CCDC178: variants seen among roughly 807,000 people sequenced by gnomAD.
CCDC178 encodes coiled-coil domain-containing protein 178.
In CCDC178, 126 loss-of-function variants were observed where a neutral mutation model predicts 117.4. The observed-to-expected ratio is 1.07, with a 90% CI of 0.93 to 1.24. The LOEUF (loss-of-function observed/expected upper bound fraction) is 1.24, where lower values mean the gene tolerates loss of function less well. Ranked by LOEUF, CCDC178 falls within the 50% of genes most tolerant of loss-of-function variation. CCDC178 has a pLI of 0.00. For missense variants in CCDC178, 1,030 were observed against 986.9 expected, an observed-to-expected ratio of 1.04 and a Z score of -0.59; for synonymous variants, 283 against 313.4, an observed-to-expected ratio of 0.90 and a Z score of 1.02.
chr18:33,068,006 A>C (rs1402484070), intron 21 of CCDC178, among the ~76,000 whole-genome samples: 2 of 152,136 alleles, frequency 1.3e-5, no homozygotes, highest in Non-Finnish European at 2.9e-5. Context: ...ATGATACCAC[A>C]GAAATACAAA....
chr18:33,192,011 A>G (rs2058864774), intron 20 of CCDC178, among the ~76,000 whole-genome samples: 2 of 152,224 alleles, frequency 1.3e-5, no homozygotes. Flanking sequence ...TAATGAATAA[A>G]TGTTTAAAAC....
intron 20 of CCDC178, among the ~76,000 whole-genome samples, chr18:33,103,584 A>G (rs946176882): frequency 4.1e-5 from 6 of 147,130 alleles, no homozygotes; most frequent in African/African-American, 1.5e-4. Context: ...GAAGTCCTTA[A>G]AAAAAAAAAA....
intron 10 of CCDC178, among the ~76,000 whole-genome samples, chr18:33,328,386 C>A (rs1390300814): frequency 6.6e-6 from 1 of 152,048 alleles, no homozygotes; most frequent in Non-Finnish European, 1.5e-5. Flanking sequence ...CAGGCGTGAA[C>A]CACTGCACCT....
At chr18:33,228,784 A>C (rs928764664) in intron 15 of CCDC178, among the ~76,000 whole-genome samples, 2 of 152,298 alleles carry the variant, frequency 1.3e-5, no homozygotes, top group Non-Finnish European at 2.9e-5. Flanking sequence ...CCAACACCAC[A>C]GGGAGTGTTT....
chr18:33,161,757 T>C (rs2058466933), intron 20 of CCDC178, among the ~76,000 whole-genome samples: 1 of 152,194 alleles, frequency 6.6e-6, no homozygotes, highest in Non-Finnish European at 1.5e-5. Flanking sequence ...CTCATCATTT[T>C]TTATGGCTGC....
intron 20 of CCDC178, among the ~76,000 whole-genome samples, chr18:33,113,893 T>G (rs934939300): frequency 5.3e-5 from 8 of 152,076 alleles, no homozygotes; most frequent in Admixed American, 2.6e-4. Flanking sequence ...CCCAGGCTAG[T>G]GACCAAAGGT....
chr18:32,981,128 G>A (rs967426571), intron 21 of CCDC178, among the ~76,000 whole-genome samples: 1 of 151,994 alleles, frequency 6.6e-6, no homozygotes, highest in Non-Finnish European at 1.5e-5. Flanking sequence ...AGGATTGCTC[G>A]AGCTCAAGAA....
intron 20 of CCDC178, among the ~76,000 whole-genome samples, chr18:33,139,777 G>C (rs1466384932): frequency 1.3e-5 from 2 of 152,202 alleles, no homozygotes; most frequent in Non-Finnish European, 2.9e-5. Context: ...ATTTTCTGAG[G>C]AGAATTTCAA....
chr18:32,980,937 A>C (rs1476657604), intron 21 of CCDC178, among the ~76,000 whole-genome samples: 3 of 152,220 alleles, frequency 2.0e-5, no homozygotes, highest in African/African-American at 7.2e-5. Context: ...AATTATACTT[A>C]AAGCTACATA....
chr18:33,225,348 A>AG (rs2059289921), intron 16 of CCDC178, among the ~76,000 whole-genome samples: 1 of 151,942 alleles, frequency 6.6e-6, no homozygotes, highest in Non-Finnish European at 1.5e-5. Context: ...TTAATAGATA[A>AG]GGGGTTTTGC....
chr18:33,144,129 T>C (rs1178643833), intron 20 of CCDC178, among the ~76,000 whole-genome samples: 1 of 152,126 alleles, frequency 6.6e-6, no homozygotes, highest in African/African-American at 2.4e-5. Flanking sequence ...TTCAATAAGA[T>C]AGAGGATTCA....
chr18:32,959,653 C>G (rs1431643240), intron 22 of CCDC178, among the ~76,000 whole-genome samples: 2 of 151,710 alleles, frequency 1.3e-5, no homozygotes, highest in Non-Finnish European at 2.9e-5. Flanking sequence ...GATCTTGATA[C>G]TTTTGGATGA....
intron 21 of CCDC178, among the ~76,000 whole-genome samples, chr18:33,008,342 A>G (rs952618016): frequency 5.3e-5 from 8 of 152,076 alleles, no homozygotes; most frequent in African/African-American, 1.9e-4. Flanking sequence ...ATTTCCAGCA[A>G]TGATCTTTGT....
chr18:33,304,820 A>G (rs1325854033), intron 11 of CCDC178, among the ~76,000 whole-genome samples: 1 of 152,216 alleles, frequency 6.6e-6, no homozygotes, highest in Non-Finnish European at 1.5e-5. Context: ...AGTCCTCATG[A>G]TAACAGCTGG....
At chr18:33,341,276 A>G (rs917585072) in intron 9 of CCDC178, among the ~76,000 whole-genome samples, 31 of 152,166 alleles carry the variant, frequency 2.0e-4, no homozygotes, top group Non-Finnish European at 7.4e-5. Flanking sequence ...TATTTACCCA[A>G]TACCCATACC....
At chr18:33,129,171 G>A (rs1257173336) in intron 20 of CCDC178, among the ~76,000 whole-genome samples, 1 of 152,008 alleles carries the variant, frequency 6.6e-6, no homozygotes, top group African/African-American at 2.4e-5. Flanking sequence ...TGAAACTTTT[G>A]AGTTAATGAA....
intron 21 of CCDC178, among the ~76,000 whole-genome samples, chr18:33,022,092 A>T (rs1274770023): frequency 6.6e-6 from 1 of 152,172 alleles, no homozygotes; most frequent in Non-Finnish European, 1.5e-5. Flanking sequence ...TTACTGCCTA[A>T]TGGTCTTTTG....
At chr18:32,990,557 C>T (rs1208829350) in intron 21 of CCDC178, among the ~76,000 whole-genome samples, 1 of 152,026 alleles carries the variant, frequency 6.6e-6, no homozygotes, top group Non-Finnish European at 1.5e-5. Flanking sequence ...TTCATCAAGT[C>T]TTCACAGTAT....
chr18:33,131,956 A>C (rs1598915095), intron 20 of CCDC178, among the ~76,000 whole-genome samples: 2 of 151,364 alleles, frequency 1.3e-5, no homozygotes, highest in Non-Finnish European at 3.0e-5. Flanking sequence ...CGGCTGCCCC[A>C]AAATTCAAAG....
Sources: allele counts gnomAD v4.1 joint callset (sites outside exome capture counted in the v4.1 genomes callset), GRCh38; gene constraint gnomAD v4.1.1; transcripts MANE v1.5; gene names NCBI Gene and HGNC (gene_info 2026-07-23, HGNC 2026-07-21).